The following GOSR2 variants were observed in gnomAD, a reference collection of about 807,000 sequenced individuals.
GOSR2 encodes golgi SNAP receptor complex member 2.
GOSR2 carries 20 observed loss-of-function variants against 27.9 expected under a neutral mutation model. The ratio of observed to expected loss-of-function variants is 0.72; its 90% CI spans 0.50 to 1.04. The LOEUF is 1.04. Among genes scored for constraint, GOSR2 ranks in the 50% least tolerant of loss-of-function variants. The pLI, the probability that GOSR2 is intolerant of heterozygous loss-of-function variation, is 0.00. For synonymous variants in GOSR2, 91 were observed against 98.8 expected, an observed-to-expected ratio of 0.92 and a Z score of 0.47; for missense variants, 261 against 270.5, an observed-to-expected ratio of 0.97 and a Z score of 0.25.
downstream of GOSR2, among the ~76,000 whole-genome samples, chr17:46,946,282 CA>C (rs58163051): frequency 0.37 from 45,851 of 122,728 alleles, 7,722 homozygotes; most frequent in East Asian, 0.44. Context: ...CTAAAAATAC[CA>C]AAAAAAAAAA....
In GOSR2 at chr17:46,932,063, C is replaced by G; in HGVS notation, c.204-4C>G. On this transcript the variant is annotated splice_region_variant and splice_polypyrimidine_tract_variant and intron_variant, in intron 3 of 5. Coordinates refer to ENST00000640051, the MANE Select transcript of GOSR2 (RefSeq NM_004287.5). ...AATTTAATCTCTCTCTCCATCAATT[C>G]CAGTCGGGTTGACCAGTTAAAGTAT... is the stretch of plus-strand genomic sequence containing the variant. 1 of 1,613,248 alleles carries G rather than the reference C, an allele frequency of 6.2e-7. No homozygotes were observed. The highest frequency in any genetic ancestry group is 8.5e-7 in the Non-Finnish European group (1 of 1,179,214).
chr17:46,929,739 ACTGATTTCC>A (rs2146855421), intron 2 of GOSR2, 155 bp downstream of exon 2: 1 of 629,488 alleles, frequency 1.6e-6, no homozygotes, highest in East Asian at 2.8e-5. Context: ...TGGCAAAGTC[ACTGATTTCC>A]CTGAGTGTGC....
At chr17:46,931,569 A>G (rs1838105) in intron 3 of GOSR2, 217,068 of 336,088 alleles carry the variant, frequency 0.65, 71,062 homozygotes, top group Middle Eastern at 0.69. Context: ...GAAATGAAAA[A>G]TCACTTCAAT....
chr17:46,966,580 C>A (rs773871905), exon 7 of GOSR2: 10 of 693,182 alleles, frequency 1.4e-5, no homozygotes, highest in Non-Finnish European at 2.4e-5. Flanking sequence ...AACTCCTGAG[C>A]TCAAGAGATC....
chr17:46,928,027 C>A (rs1386833795), intron 1 of GOSR2, among the ~76,000 whole-genome samples: 2 of 152,168 alleles, frequency 1.3e-5, no homozygotes, highest in African/African-American at 4.8e-5. Flanking sequence ...TGCCCTGCTT[C>A]AGGTGTCGGC....
chr17:46,936,596 G>A, intron 5 of GOSR2: 1 of 985,470 alleles, frequency 1.0e-6, no homozygotes, highest in Non-Finnish European at 1.2e-6. Flanking sequence ...AAGGGGCTAG[G>A]CTGAAGCACT....
downstream of GOSR2, among the ~76,000 whole-genome samples, chr17:46,970,952 G>A (rs2091385935): frequency 1.3e-5 from 2 of 152,232 alleles, no homozygotes. Context: ...AAGGCTGCAT[G>A]CCAAAGGATT....
chr17:46,935,530 T>C, intron 5 of GOSR2: 1 of 1,257,290 alleles, frequency 8.0e-7, no homozygotes, highest in Non-Finnish European at 1.0e-6. Context: ...TGTCCTTTGG[T>C]ACCTCGCTTT....
intron 6 of GOSR2, chr17:46,955,401 T>C (rs1425394909): frequency 2.6e-5 from 4 of 152,134 alleles, no homozygotes; most frequent in Non-Finnish European, 4.4e-5. Context: ...TTTGATGTGC[T>C]GCTGGATTCG....
At chr17:46,965,450 G>C (rs761138752) in intron 6 of GOSR2, among the ~76,000 whole-genome samples, 6 of 152,146 alleles carry the variant, frequency 3.9e-5, no homozygotes, top group Non-Finnish European at 7.4e-5. Flanking sequence ...CTGTGCCCCA[G>C]ATTGGGGCAC....
intron 6 of GOSR2, among the ~76,000 whole-genome samples, chr17:46,958,889 C>G (rs11656362): frequency 0.32 from 49,410 of 152,192 alleles, 8,993 homozygotes; most frequent in South Asian, 0.49. Flanking sequence ...TCAGTTTCCT[C>G]TACAGTGAAA....
downstream of GOSR2, among the ~76,000 whole-genome samples, chr17:46,970,186 C>T (rs1016030298): frequency 6.6e-6 from 1 of 152,100 alleles, no homozygotes; most frequent in African/African-American, 2.4e-5. Flanking sequence ...CCTCATCTCC[C>T]CCATCATCTC....
chr17:46,975,320 C>G (rs1264916161), exon 7 of GOSR2: 1 of 152,180 alleles, frequency 6.6e-6, no homozygotes, highest in African/African-American at 2.4e-5. Context: ...ACCCAAGGCC[C>G]TCTGAGATTT....
chr17:46,962,681 T>C (rs2091132044), intron 6 of GOSR2, among the ~76,000 whole-genome samples: 1 of 152,216 alleles, frequency 6.6e-6, no homozygotes, highest in South Asian at 2.1e-4. Flanking sequence ...GCCTTCCAGC[T>C]GTCCCTGCCA....
rs188468201 is a variant in GOSR2, at chr17:46,923,802, T to G, written c.29+581T>G. On this transcript the variant is annotated intron_variant, in intron 1 of 5. Coordinates refer to ENST00000640051, the MANE Select transcript of GOSR2 (RefSeq NM_004287.5). ...AATTGTAATTTAGTTTCTCATAACT[T>G]AAATTCCTTGGTAGTGTCCTTTATT... 203 of 404,012 alleles carry G rather than the reference T, an allele frequency of 5.0e-4. 5 individuals carry two copies. The highest frequency in any genetic ancestry group is 4.7e-3 in the East Asian group (132 of 28,100). The allele number at this position is 404,012 out of a possible 1,614,324, so 25.0% of individuals were successfully genotyped here. A position where few individuals can be genotyped will look rare whatever the true frequency, so the allele number is the denominator to read the frequency against.
At chr17:46,924,872 G>A (rs534244259) in intron 1 of GOSR2, among the ~76,000 whole-genome samples, 46 of 152,184 alleles carry the variant, frequency 3.0e-4, no homozygotes, top group Non-Finnish European at 5.3e-4. Context: ...GTGCCTTGAA[G>A]TTAATCTGTT....
intron 6 of GOSR2, among the ~76,000 whole-genome samples, chr17:46,951,963 C>T (rs942146683): frequency 1.3e-5 from 2 of 152,148 alleles, no homozygotes; most frequent in African/African-American, 4.8e-5. Flanking sequence ...CTTTCTAAAC[C>T]GTTTTTCTCT....
chr17:46,972,823 C>T (rs2091406562), intron 6 of GOSR2, among the ~76,000 whole-genome samples: 3 of 152,162 alleles, frequency 2.0e-5, no homozygotes, highest in South Asian at 2.1e-4. Flanking sequence ...ATTAGCATCT[C>T]GAGGGCAGAG....
At chr17:46,973,700 G>C (rs1366086159) in intron 6 of GOSR2, among the ~76,000 whole-genome samples, 2 of 152,170 alleles carry the variant, frequency 1.3e-5, no homozygotes, top group African/African-American at 4.8e-5. Flanking sequence ...CCGTGTATCT[G>C]CTGTGATCTT....
Sources: gnomAD v4.1 joint callset for allele counts (sites outside exome capture counted in the v4.1 genomes callset) on GRCh38, gnomAD v4.1.1 for gene constraint, MANE v1.5 for transcripts, NCBI Gene and HGNC (gene_info 2026-07-23, HGNC 2026-07-21) for gene names.